Variants in TSPAN3 observed in about 807,000 individuals in gnomAD.
The protein encoded by TSPAN3 is tetraspanin 3.
Under a neutral mutation model 31.1 loss-of-function variants are expected in TSPAN3, and 9 were observed. The observed-to-expected ratio is 0.29, with a 90% CI of 0.17 to 0.50. The LOEUF (loss-of-function observed/expected upper bound fraction) is 0.50. Among genes scored for constraint, TSPAN3 ranks in the 20% least tolerant of loss-of-function variants. TSPAN3 has a pLI of 0.98. For synonymous variants in TSPAN3, 129 were observed against 114.3 expected, an observed-to-expected ratio of 1.13 and a Z score of -0.82; for missense variants, 252 against 313.5, an observed-to-expected ratio of 0.80 and a Z score of 1.48.
chr15:77,067,933 C>T (rs1171081944), intron 1 of TSPAN3: 1 of 152,186 alleles, frequency 6.6e-6, no homozygotes, highest in African/African-American at 2.4e-5. Context: ...GGTTTGAACG[C>T]AGGCTGTATC....
intron 1 of TSPAN3, among the ~76,000 whole-genome samples, chr15:77,068,763 T>C (rs2076848757): frequency 6.6e-6 from 1 of 152,162 alleles, no homozygotes; most frequent in African/African-American, 2.4e-5. Context: ...TGCATCAGTT[T>C]GTTGAGGATG....
In TSPAN3 at chr15:77,056,053, A is replaced by G. The variant is rs770196309; in HGVS notation, c.255+11T>C. 6.3e-6 allele frequency: 10 copies of G among 1,596,746 alleles called. No homozygotes were observed. The South Asian group carries it at 1.1e-4, about 18-fold the overall frequency. On this transcript the variant is annotated intron_variant, in intron 2 of 6. Transcript: ENST00000267970. ...CTAAATACTCCTGCATGTTCTCACA[A>G]CACATCTTACCGTGGCAAGTCCACA...
intron 1 of TSPAN3, chr15:77,064,084 C>G (rs540627972): frequency 4.6e-5 from 7 of 152,298 alleles, no homozygotes; most frequent in Admixed American, 4.6e-4. Context: ...TAGTAGATTA[C>G]AAACTACACA....
In TSPAN3 at chr15:77,056,238, T is replaced by C. The variant is rs375632141; in HGVS notation, c.81A>G (p.Leu27=). 18 of 1,602,060 alleles carry C rather than the reference T, an allele frequency of 1.1e-5. No individual in the cohort carries two copies. The highest frequency in any genetic ancestry group is 1.5e-5 in the Non-Finnish European group (18 of 1,176,404). ...TGAAGACATAGGCTCCCACATAGCATAAAATGCCAGCTGCCCCCTGTAGAA... is the reference window on the plus strand; with the variant it reads ...TGAAGACATAGGCTCCCACATAGCACAAAATGCCAGCTGCCCCCTGTAGAA... ...NLIFWGAAGI[L]CYVGAYVFIT... Residue 27 remains leucine, a synonymous_variant, in exon 2 of 7, where the codon TTA becomes TTG. Coordinates refer to ENST00000267970, the MANE Select transcript of TSPAN3 (RefSeq NM_005724.6).
chr15:77,042,921 C>T lies in TSPAN3; in HGVS notation c.*3914G>A, dbSNP rs547463125. ...GTACTCATTTATTGCCTCTTAACTC[C>T]AAATTTCCCTGACCTTGCCCTTCCT... On this transcript the variant is annotated 3_prime_UTR_variant, in exon 7 of 7. Transcript: ENST00000267970. The T allele has an allele frequency of 6.6e-6, 1 of 152,288 alleles. No homozygotes were observed. Among genetic ancestry groups the T allele is most frequent in the African/African-American group, 2.4e-5 (1 of 41,552 alleles). The allele number at this position is 152,288 out of a possible 1,614,324, so 9.4% of individuals were successfully genotyped here.
At chr15:77,065,941 C>A (rs1326972155) in intron 1 of TSPAN3, among the ~76,000 whole-genome samples, 1 of 152,040 alleles carries the variant, frequency 6.6e-6, no homozygotes, top group Admixed American at 6.6e-5. Flanking sequence ...AAAACAACAA[C>A]CTAAATAGAT....
rs1490910159 is a variant in TSPAN3 at position 77,042,887 on chromosome 15, G to C, written c.*3948C>G. On this transcript the variant is annotated 3_prime_UTR_variant, in exon 7 of 7. Coordinates refer to ENST00000267970, the MANE Select transcript of TSPAN3 (RefSeq NM_005724.6). ...GAGAAAGTGGACACACCTCGACTAG[G>C]TGTGCCAGGTACTCATTTATTGCCT... 1.3e-5 allele frequency: 2 copies of C among 152,066 alleles called. No individual in the cohort carries two copies. The highest frequency in any genetic ancestry group is 2.9e-5 in the Non-Finnish European group (2 of 68,024). The allele number at this position is 152,066 out of a possible 1,614,324, so 9.4% of individuals were successfully genotyped here.
intron 1 of TSPAN3, among the ~76,000 whole-genome samples, chr15:77,068,686 G>A (rs1005778547): frequency 1.1e-4 from 17 of 152,126 alleles, no homozygotes; most frequent in Admixed American, 1.1e-3. Flanking sequence ...TTTTAAAAAA[G>A]CCTGTAACTC....
At chr15:77,065,365 A>G (rs1012911789) in intron 1 of TSPAN3, among the ~76,000 whole-genome samples, 8 of 152,244 alleles carry the variant, frequency 5.3e-5, no homozygotes, top group African/African-American at 1.9e-4. Flanking sequence ...TAGTAGTGTT[A>G]TATTTAACAA....
At chr15:77,049,947 TACAA>T (rs2076719148) in intron 6 of TSPAN3, among the ~76,000 whole-genome samples, 1 of 152,084 alleles carries the variant, frequency 6.6e-6, no homozygotes, top group Admixed American at 6.6e-5. Flanking sequence ...GGAGGCAGAG[TACAA>T]ACAAAGGCAG....
At chr15:77,069,116 T>C (rs1314667584) in intron 1 of TSPAN3, among the ~76,000 whole-genome samples, 1 of 152,232 alleles carries the variant, frequency 6.6e-6, no homozygotes, top group Non-Finnish European at 1.5e-5. Context: ...TAAATATTAT[T>C]CTGGGCTCTC....
chr15:77,052,563 C>A, intron 5 of TSPAN3, 95 bp from the exon 6 acceptor site: 1 of 1,297,566 alleles, frequency 7.7e-7, no homozygotes, highest in East Asian at 2.3e-5. Context: ...AGGAAAATGA[C>A]AGAAACTGAA....
rs1310906302 is a variant in TSPAN3 at position 77,046,822 on chromosome 15, C to T, written c.*13G>A. The T allele has an allele frequency of 6.3e-7, 1 of 1,575,476 alleles. No individual in the cohort carries two copies. The highest frequency in any genetic ancestry group is 1.8e-5 in the Admixed American group (1 of 56,534). ...TCAGAACAAGACCAAAAAGCTCAGG[C>T]TTGAGTTGTCAACTATGCATAGGTT... On this transcript the variant is annotated 3_prime_UTR_variant, in exon 7 of 7. Transcript: ENST00000267970.
chr15:77,059,503 C>T (rs2076788231), intron 1 of TSPAN3, among the ~76,000 whole-genome samples: 1 of 152,214 alleles, frequency 6.6e-6, no homozygotes, highest in Admixed American at 6.5e-5. Flanking sequence ...CACATGTACA[C>T]ACACACATTT....
At chr15:77,056,643 A>G (rs2076770722) in intron 1 of TSPAN3, among the ~76,000 whole-genome samples, 1 of 152,090 alleles carries the variant, frequency 6.6e-6, no homozygotes. Flanking sequence ...TTTGGTAGAA[A>G]TGACAGAGCT....
chr15:77,050,473 C>G (rs749282893), intron 6 of TSPAN3, among the ~76,000 whole-genome samples: 5 of 152,070 alleles, frequency 3.3e-5, no homozygotes, highest in African/African-American at 1.2e-4. Context: ...TTATTAGCCC[C>G]TATTGAAAAA....
chr15:77,048,776 T>G (rs942594298), intron 6 of TSPAN3, among the ~76,000 whole-genome samples: 11 of 152,056 alleles, frequency 7.2e-5, no homozygotes, highest in African/African-American at 2.4e-4. Context: ...TTAGCCCAAA[T>G]ATAACACCCA....
chr15:77,065,975 G>T (rs1247048910), intron 1 of TSPAN3, among the ~76,000 whole-genome samples: 2 of 152,062 alleles, frequency 1.3e-5, no homozygotes, highest in Non-Finnish European at 2.9e-5. Flanking sequence ...AATTCTATAA[G>T]CATGGACAAA....
intron 3 of TSPAN3, 182 bp downstream of exon 3, chr15:77,055,607 T>G (rs1214566453): frequency 9.0e-6 from 5 of 554,680 alleles, no homozygotes; most frequent in African/African-American, 1.9e-5. Context: ...TCTGCTATAT[T>G]AAATGAGGTA....
Sources: allele counts gnomAD v4.1 joint callset (sites outside exome capture counted in the v4.1 genomes callset), GRCh38; gene constraint gnomAD v4.1.1; transcripts MANE v1.5; gene names NCBI Gene and HGNC (gene_info 2026-07-23, HGNC 2026-07-21).